The following NACC2 variants were observed in gnomAD, a reference collection of about 807,000 sequenced individuals.
NACC2 encodes NACC family member 2.
A neutral mutation model predicts 25.1 loss-of-function variants in NACC2; 8 were observed. That is an observed-to-expected ratio of 0.32 (90% CI 0.19 to 0.57). The LOEUF (loss-of-function observed/expected upper bound fraction) is 0.57, where lower values mean the gene tolerates loss of function less well. Among genes scored for constraint, NACC2 ranks in the 20% least tolerant of loss-of-function variants. The pLI is 0.89. For missense variants in NACC2, 644 were observed against 650.2 expected (o/e 0.99, Z 0.10); for synonymous variants, 435 against 294.7 (o/e 1.48, Z -4.88).
intron 2 of NACC2, among the ~76,000 whole-genome samples, chr9:136,034,143 T>C (rs1340920382): frequency 6.6e-6 from 1 of 151,984 alleles, no homozygotes; most frequent in Non-Finnish European, 1.5e-5. Context: ...CAAACACATA[T>C]AATTTACAGA....
At chr9:136,052,781 C>A (rs942007764) in intron 1 of NACC2, among the ~76,000 whole-genome samples, 94 of 152,362 alleles carry the variant, frequency 6.2e-4, no homozygotes, top group Non-Finnish European at 5.9e-4. Flanking sequence ...CTGGCTGCGG[C>A]CACACAGGCT....
chr9:136,040,011 G>A (rs1003908526), intron 2 of NACC2, among the ~76,000 whole-genome samples: 8 of 152,272 alleles, frequency 5.3e-5, no homozygotes, highest in South Asian at 2.1e-4. Context: ...ATCACTAAAG[G>A]TAGCAAGGTT....
At chr9:136,057,246 A>G (rs1481435632) in intron 1 of NACC2, among the ~76,000 whole-genome samples, 1 of 152,238 alleles carries the variant, frequency 6.6e-6, no homozygotes, top group Non-Finnish European at 1.5e-5. Flanking sequence ...GCCCCTGGCC[A>G]CCAACACGCT....
intron 2 of NACC2, among the ~76,000 whole-genome samples, chr9:136,045,060 G>A (rs932323506): frequency 3.3e-5 from 5 of 152,254 alleles, no homozygotes; most frequent in Non-Finnish European, 5.9e-5. Context: ...CAGGGTCCAG[G>A]ATGTGGGCAG....
intron 1 of NACC2, among the ~76,000 whole-genome samples, chr9:136,093,890 A>T (rs1456539928): frequency 6.6e-6 from 1 of 152,196 alleles, no homozygotes; most frequent in Non-Finnish European, 1.5e-5. Context: ...CTACAGGCTA[A>T]AACACCCTGC....
chr9:136,073,125 A>G (rs1264759387), intron 1 of NACC2, among the ~76,000 whole-genome samples: 1 of 151,896 alleles, frequency 6.6e-6, no homozygotes, highest in Non-Finnish European at 1.5e-5. Context: ...ACTAATATCT[A>G]GGCTACATAA....
intron 1 of NACC2, among the ~76,000 whole-genome samples, chr9:136,059,790 G>A (rs1404190950): frequency 1.3e-5 from 2 of 152,190 alleles, no homozygotes; most frequent in Non-Finnish European, 2.9e-5. Flanking sequence ...TGTGGCCCAT[G>A]AGCATGTCAC....
chr9:136,054,502 T>C (rs1250846167), intron 1 of NACC2, among the ~76,000 whole-genome samples: 2 of 152,280 alleles, frequency 1.3e-5, no homozygotes, highest in Non-Finnish European at 2.9e-5. Context: ...AATAAAGGCT[T>C]GGCTCACGCC....
intron 1 of NACC2, among the ~76,000 whole-genome samples, chr9:136,074,912 C>T (rs554162050): frequency 7.2e-5 from 11 of 152,316 alleles, no homozygotes; most frequent in African/African-American, 1.9e-4. Context: ...GGGATGCTGG[C>T]GGGAATGGGT....
At chr9:136,040,626 A>T (rs1296917937) in intron 2 of NACC2, among the ~76,000 whole-genome samples, 1 of 152,190 alleles carries the variant, frequency 6.6e-6, no homozygotes, top group Non-Finnish European at 1.5e-5. Flanking sequence ...CTGAACTGAT[A>T]AATAAAATGT....
At chr9:136,021,375 G>A (rs573749546) in intron 2 of NACC2, among the ~76,000 whole-genome samples, 11 of 152,320 alleles carry the variant, frequency 7.2e-5, no homozygotes, top group South Asian at 2.1e-4. Flanking sequence ...GCCAAGTGCC[G>A]GCGAGGATGC....
At chr9:136,065,295 G>A (rs917032851) in intron 1 of NACC2, among the ~76,000 whole-genome samples, 19 of 152,024 alleles carry the variant, frequency 1.2e-4, no homozygotes, top group Admixed American at 1.0e-3. Context: ...GACCAGCCTC[G>A]GCAACATAGT....
In NACC2 at chr9:136,055,718, A is replaced by C. The variant is rs562217158; in HGVS notation, c.-59-5138T>G. On this transcript the variant is annotated intron_variant, in intron 1 of 5. Coordinates refer to ENST00000277554, the MANE Select transcript of NACC2 (RefSeq NM_144653.5). The surrounding 1 kb of genome is among the most constrained non-coding windows in gnomAD (Gnocchi z 4.9). ...TAATAAGAGGTTCTGGACCTCAGCA[A>C]ATGCACAGCCATTAAACACGTGGTA... 1.5e-4 allele frequency among the ~76,000 whole-genome samples: 23 copies of C among 152,324 alleles called. No individual in the cohort carries two copies. The highest frequency in any genetic ancestry group is 5.3e-4 in the African/African-American group (22 of 41,574).
chr9:136,069,548 A>AAAAACAAAACAAAAC (rs377428585), intron 1 of NACC2, among the ~76,000 whole-genome samples: 1 of 151,026 alleles, frequency 6.6e-6, no homozygotes, highest in Non-Finnish European at 1.5e-5. Flanking sequence ...AACTCTGTCA[A>AAAAACAAAACAAAAC]AAAACAAAAC....
At chr9:136,050,616 A>C in intron 1 of NACC2, 36 bp from the exon 2 acceptor site, 1 of 692,284 alleles carries the variant, frequency 1.4e-6, no homozygotes, top group Non-Finnish European at 2.6e-6. Context: ...CAGTTCCTCC[A>C]GGTCACGGGC....
intron 1 of NACC2, among the ~76,000 whole-genome samples, chr9:136,088,971 C>G (rs540176401): frequency 1.3e-5 from 2 of 152,216 alleles, no homozygotes; most frequent in African/African-American, 4.8e-5. Context: ...CTCGGCATCG[C>G]GTGGAGCGGC....
chr9:136,057,266 C>A (rs754409552), intron 1 of NACC2, among the ~76,000 whole-genome samples: 1 of 152,238 alleles, frequency 6.6e-6, no homozygotes, highest in African/African-American at 2.4e-5. Flanking sequence ...TCATCTCTAA[C>A]CTTCACTTGC....
intron 2 of NACC2, among the ~76,000 whole-genome samples, chr9:136,017,465 C>T (rs1840220725): frequency 6.6e-6 from 1 of 152,110 alleles, no homozygotes; most frequent in African/African-American, 2.4e-5. Context: ...ACAGCCCTGG[C>T]CCCAAATCCT....
At chr9:136,077,176 C>T (rs1342529257) in intron 1 of NACC2, among the ~76,000 whole-genome samples, 1 of 134,160 alleles carries the variant, frequency 7.5e-6, no homozygotes, top group East Asian at 2.3e-4. Context: ...AAAAAACAAA[C>T]AAAAATTAGC....
Sources: allele counts gnomAD v4.1 joint callset (sites outside exome capture counted in the v4.1 genomes callset), GRCh38; gene constraint gnomAD v4.1.1; non-coding constraint Gnocchi (gnomAD v3.1); transcripts MANE v1.5; gene names NCBI Gene and HGNC (gene_info 2026-07-23, HGNC 2026-07-21).